KLC1: variants seen among roughly 807,000 people sequenced by gnomAD.
KLC1 encodes the protein kinesin 2 60/70kDa.
KLC1 carries 30 observed loss-of-function variants against 84.2 expected under a neutral mutation model. The ratio of observed to expected loss-of-function variants is 0.36; its 90% CI spans 0.27 to 0.48. KLC1 has a LOEUF of 0.48. KLC1 is among the 20% of genes least tolerant of loss of function. The pLI, the probability that KLC1 is intolerant of heterozygous loss-of-function variation, is 0.99. For synonymous variants in KLC1, 289 were observed against 293.3 expected, an observed-to-expected ratio of 0.99 and a Z score of 0.15; for missense variants, 499 against 805.4, an observed-to-expected ratio of 0.62 and a Z score of 4.60.
chr14:103,638,692 C>T (rs900259344), intron 1 of KLC1, among the ~76,000 whole-genome samples: 10 of 135,518 alleles, frequency 7.4e-5, no homozygotes, highest in South Asian at 2.3e-4. Flanking sequence ...GTCAGAGTCT[C>T]GCTCTGTCAC....
chr14:103,665,586 C>T (rs1256034620), intron 5 of KLC1, among the ~76,000 whole-genome samples: 3 of 152,036 alleles, frequency 2.0e-5, no homozygotes, highest in African/African-American at 7.2e-5. Flanking sequence ...AGACACCTGC[C>T]ACCAAGCCCC....
Position 103,693,686 on chromosome 14 carries a change from G to A in KLC1, c.1848+1261G>A, listed in dbSNP as rs12586661. 528 of 1,517,968 alleles carry A rather than the reference G, an allele frequency of 3.5e-4. 4 individuals are homozygous for A. In the East Asian group the frequency reaches 0.011, roughly 31 times the overall value. The allele number at this position is 1,517,968 out of a possible 1,614,324, so 94.0% of individuals were successfully genotyped here. On this transcript the variant is annotated intron_variant, in intron 15 of 16. Coordinates refer to ENST00000334553, the MANE Select transcript of KLC1 (RefSeq NM_001394837.1). The surrounding 1 kb of genome is among the most constrained non-coding windows in gnomAD (Gnocchi z 5.1). The stretch of plus-strand genomic sequence containing the variant: ...GCCCCGCCCTGCCACGCCCCTCACC[G>A]CCCTGCCCGGAGGCGCCAGCCGCAC...
chr14:103,637,427 G>A (rs1036509302), intron 1 of KLC1, among the ~76,000 whole-genome samples: 2 of 151,898 alleles, frequency 1.3e-5, no homozygotes, highest in Non-Finnish European at 2.9e-5. Context: ...CTACTTGGGA[G>A]GCTGAGGCAG....
chr14:103,661,182 A>T (rs1275221676), intron 3 of KLC1, among the ~76,000 whole-genome samples: 2 of 152,128 alleles, frequency 1.3e-5, no homozygotes, highest in African/African-American at 4.8e-5. Flanking sequence ...GAAATTGCAC[A>T]CAGACCCAGT....
chr14:103,699,119 A>G (rs374774780), intron 15 of KLC1: 229 of 1,572,592 alleles, frequency 1.5e-4, no homozygotes, highest in Middle Eastern at 1.0e-3. Flanking sequence ...CACACACCAC[A>G]TGGCTGCACT....
rs564907318 is a variant in KLC1 at position 103,632,405 on chromosome 14, C to A, written c.-2+2911C>A. ...ACGTCACTGCAGTCCAGCCAGACTCCGTCTCAAAACAAACAAAAAGAGCCG... is the reference window on the plus strand; with the variant it reads ...ACGTCACTGCAGTCCAGCCAGACTCAGTCTCAAAACAAACAAAAAGAGCCG... On this transcript the variant is annotated intron_variant, in intron 1 of 16. Coordinates refer to ENST00000334553, the MANE Select transcript of KLC1 (RefSeq NM_001394837.1). Among the ~76,000 whole-genome samples, 5 of 149,994 alleles carry A rather than the reference C, an allele frequency of 3.3e-5. No homozygotes were observed. In the East Asian group the frequency reaches 9.9e-4, roughly 30 times the overall value.
At chr14:103,648,219 G>A (rs1166537233) in intron 1 of KLC1, among the ~76,000 whole-genome samples, 1 of 152,104 alleles carries the variant, frequency 6.6e-6, no homozygotes, top group African/African-American at 2.4e-5. Flanking sequence ...AAAGTGCTGG[G>A]ATTACAGGCG....
At chr14:103,682,119 C>T (rs781519154) in intron 13 of KLC1, among the ~76,000 whole-genome samples, 1 of 151,944 alleles carries the variant, frequency 6.6e-6, no homozygotes, top group African/African-American at 2.4e-5. Context: ...ACCTGTAATC[C>T]CAGCACTTTG....
chr14:103,689,882 T>TA (rs372731046), intron 14 of KLC1, among the ~76,000 whole-genome samples: 97 of 152,320 alleles, frequency 6.4e-4, no homozygotes, highest in African/African-American at 2.2e-3. Flanking sequence ...GTAGCTCTTT[T>TA]AAAAAGAGTT....
intron 3 of KLC1, among the ~76,000 whole-genome samples, chr14:103,661,202 C>T (rs981479273): frequency 6.6e-6 from 1 of 152,180 alleles, no homozygotes; most frequent in African/African-American, 2.4e-5. Flanking sequence ...TATGTCCTCT[C>T]CTCTGCAGCT....
chr14:103,644,045 C>T, intron 1 of KLC1, among the ~76,000 whole-genome samples: 1 of 151,800 alleles, frequency 6.6e-6, no homozygotes. Flanking sequence ...GAAACCCCAT[C>T]TCTACTAAAA....
intron 1 of KLC1, among the ~76,000 whole-genome samples, chr14:103,637,086 G>T (rs1028893001): frequency 1.3e-5 from 2 of 151,436 alleles, no homozygotes; most frequent in African/African-American, 4.9e-5. Context: ...CTATTGCCCA[G>T]GCTGACGTAT....
chr14:103,684,930 T>G, intron 13 of KLC1: 1 of 758,762 alleles, frequency 1.3e-6, no homozygotes, highest in Admixed American at 2.0e-5. Context: ...TATGTTTTCT[T>G]GTCCTCCCCA....
chr14:103,649,562 C>CAAAAAA (rs35297746), intron 1 of KLC1, among the ~76,000 whole-genome samples: 5 of 75,750 alleles, frequency 6.6e-5, no homozygotes, highest in Admixed American at 3.0e-4. Context: ...GACCTCATCT[C>CAAAAAA]AAAAAAAAAA....
chr14:103,667,354 G>A (rs956178008), intron 5 of KLC1, among the ~76,000 whole-genome samples: 4 of 151,924 alleles, frequency 2.6e-5, no homozygotes, highest in East Asian at 3.9e-4. Flanking sequence ...TGATCTACCC[G>A]CCTCAGCCTC....
chr14:103,631,472 A>G (rs1010512138), intron 1 of KLC1, among the ~76,000 whole-genome samples: 1 of 152,198 alleles, frequency 6.6e-6, no homozygotes, highest in African/African-American at 2.4e-5. Context: ...TAGGGCCATA[A>G]ATTATCTTAA....
At chr14:103,643,703 A>G (rs2077668215) in intron 1 of KLC1, among the ~76,000 whole-genome samples, 1 of 152,120 alleles carries the variant, frequency 6.6e-6, no homozygotes, top group African/African-American at 2.4e-5. Flanking sequence ...CAAGGCAGGC[A>G]GATCACTTGA....
At chr14:103,646,589 C>T (rs891176682) in intron 1 of KLC1, among the ~76,000 whole-genome samples, 1 of 152,188 alleles carries the variant, frequency 6.6e-6, no homozygotes, top group Non-Finnish European at 1.5e-5. Context: ...TGGCTCACTG[C>T]AGCCGTGAAC....
chr14:103,631,200 C>T (rs528984566), intron 1 of KLC1, among the ~76,000 whole-genome samples: 4 of 152,066 alleles, frequency 2.6e-5, no homozygotes, highest in African/African-American at 7.2e-5. Context: ...CCTGCCTCAA[C>T]CTACTGAGTA....
Sources: allele counts gnomAD v4.1 joint callset (sites outside exome capture counted in the v4.1 genomes callset), GRCh38; gene constraint gnomAD v4.1.1; non-coding constraint Gnocchi (gnomAD v3.1); transcripts MANE v1.5; gene names NCBI Gene and HGNC (gene_info 2026-07-23, HGNC 2026-07-21).